ZNF385A: variants seen among roughly 807,000 people sequenced by gnomAD.
The protein encoded by ZNF385A is zinc finger protein 385A.
In ZNF385A, 14 loss-of-function variants were observed where a neutral mutation model predicts 32.1. That is an observed-to-expected ratio of 0.44 (90% CI 0.29 to 0.68). ZNF385A has a LOEUF of 0.68. ZNF385A is among the 30% of genes least tolerant of loss of function. The pLI is 0.14. For missense variants in ZNF385A, 406 were observed against 478.4 expected (o/e 0.85, Z 1.41); for synonymous variants, 197 against 202.7 (o/e 0.97, Z 0.24).
upstream of ZNF385A, chr12:54,384,987 A>C: frequency 1.2e-6 from 1 of 856,570 alleles, no homozygotes; most frequent in African/African-American, 1.8e-5. Context: ...GAAGAGAGTC[A>C]AGTGGGTGAT....
At chr12:54,379,319 G>C in intron 1 of ZNF385A, 2 of 427,972 alleles carry the variant, frequency 4.7e-6, no homozygotes, top group Non-Finnish European at 6.2e-6. Flanking sequence ...AGGAATGAAA[G>C]GGGGCTAGGG....
chr12:54,370,712 T>G lies in ZNF385A; in HGVS notation c.784A>C (p.Ser262Arg), dbSNP rs1441753025. Residue 262 changes from serine (S) to arginine (R), a missense_variant, in exon 6 of 7, where the codon AGC (serine) becomes CGC (arginine). Ser to Arg is a moderately radical substitution (Grantham distance 110). Transcript: ENST00000394313. This position sits in a 1 kb window ranked among gnomAD's most constrained non-coding sequence, Gnocchi z 5.5. ...SEVQLKQHIS[S>R]RRHRDGVAGK... The stretch of plus-strand genomic sequence containing the variant: ...GCCACGCCGTCTCGGTGCCGCCGGC[T>G]GGAGATGTGCTGCGGGGGCCAGTGG... 1.9e-6 allele frequency: 3 copies of G among 1,586,870 alleles called. No homozygotes were observed. The highest frequency in any genetic ancestry group is 2.6e-6 in the Non-Finnish European group (3 of 1,169,822).
Position 54,384,545 on chromosome 12 carries a change from C to T in ZNF385A, c.-31G>A. 1 of 1,488,770 alleles carries T rather than the reference C, an allele frequency of 6.7e-7. No homozygotes were observed. Among genetic ancestry groups the T allele is most frequent in the Non-Finnish European group, 8.9e-7 (1 of 1,120,382 alleles). 92.2% of individuals were successfully genotyped at this position (1,488,770 alleles called of 1,614,324 possible). A position where few individuals can be genotyped will look rare whatever the true frequency, so the allele number is the denominator to read the frequency against. On this transcript the variant is annotated 5_prime_UTR_variant, in exon 1 of 7. Coordinates refer to ENST00000394313, the MANE Select transcript of ZNF385A (RefSeq NM_015481.3). Reference sequence around the variant, plus strand: ...GGGGCTGCCGTAGCAGAGGCAGGGGCCCTGCCCGGCTCAGGCTGCCTGAAG... The same window carrying T: ...GGGGCTGCCGTAGCAGAGGCAGGGGTCCTGCCCGGCTCAGGCTGCCTGAAG...
At chr12:54,379,172 C>G in intron 1 of ZNF385A, 2 of 980,816 alleles carry the variant, frequency 2.0e-6, no homozygotes, top group Non-Finnish European at 2.4e-6. Flanking sequence ...CGCTCGTTGC[C>G]CGGGCGGCTC....
chr12:54,384,629 TGCCAGTCCCACTCCCTA>T lies in ZNF385A; in HGVS notation c.-132_-116del. On this transcript the variant is annotated 5_prime_UTR_variant, in exon 1 of 7. An upstream open reading frame in the 5' UTR loses its in-frame stop. Coordinates refer to ENST00000394313, the MANE Select transcript of ZNF385A (RefSeq NM_015481.3). ...AAAGCTTGGGAACCCCACCCAAGCC[TGCCAGTCCCACTCCCTA>T]GCCAGGGCCCCCACACTCAGAAGTG... 1 of 1,423,556 alleles carries T rather than the reference TGCCAGTCCCACTCCCTA, an allele frequency of 7.0e-7. No individual in the cohort carries two copies. Among genetic ancestry groups the T allele is most frequent in the Non-Finnish European group, 9.2e-7 (1 of 1,092,150 alleles). 88.2% of individuals were successfully genotyped at this position (1,423,556 alleles called of 1,614,324 possible).
At chr12:54,376,078 GGAT>G in intron 1 of ZNF385A, 124 bp from the exon 2 acceptor site, 1 of 719,558 alleles carries the variant, frequency 1.4e-6, no homozygotes, top group Non-Finnish European at 2.5e-6. Flanking sequence ...TATGCCTGAG[GGAT>G]CTGAGCCTCA....
At chr12:54,373,584 G>A (rs947186257) in intron 3 of ZNF385A, among the ~76,000 whole-genome samples, 3 of 151,946 alleles carry the variant, frequency 2.0e-5, no homozygotes, top group South Asian at 2.1e-4. Flanking sequence ...TGTCTTCCCC[G>A]AGGGGAGCCC....
At chr12:54,385,532 C>G (rs1163373306), upstream of ZNF385A, 1 of 636,448 alleles carries the variant, frequency 1.6e-6, no homozygotes, top group Non-Finnish European at 2.0e-6. Context: ...CTCCAGTAAC[C>G]CCCTGACAGC....
intron 1 of ZNF385A, chr12:54,379,197 C>T: frequency 2.0e-6 from 2 of 978,798 alleles, no homozygotes; most frequent in Non-Finnish European, 2.4e-6. Flanking sequence ...CTGTGCGGCC[C>T]GGCCGGCGGG....
chr12:54,379,678 T>C (rs1955043542), intron 1 of ZNF385A, among the ~76,000 whole-genome samples: 1 of 152,142 alleles, frequency 6.6e-6, no homozygotes, highest in South Asian at 2.1e-4. Flanking sequence ...TGTCAGGCAC[T>C]GCTCTCTCAG....
At position 54,384,463 on chromosome 12, in the gene ZNF385A, C is replaced by G. The variant is rs1221600712; in HGVS notation, c.52G>C (p.Ala18Pro). The G allele has an allele frequency of 4.4e-6, 7 of 1,591,262 alleles. No homozygotes were observed. Among genetic ancestry groups the G allele is most frequent in the Non-Finnish European group, 5.1e-6 (6 of 1,169,520 alleles). Residue 18 changes from alanine to proline, a missense_variant, in exon 1 of 7, where the codon GCC becomes CCC. Transcript: ENST00000394313. ...KQILPFPLEP[A>P]PTLGLFSNYS... is the part of the protein sequence containing the mutation. ...TTGCTGAAGAGGCCAAGGGTAGGGGCTGGCTCGAGTGGGAAGGGCAGGATC... is the reference window on the plus strand; with the variant it reads ...TTGCTGAAGAGGCCAAGGGTAGGGGGTGGCTCGAGTGGGAAGGGCAGGATC...
Position 54,370,564 on chromosome 12 carries a change from C to T in ZNF385A, c.870+62G>A. On this transcript the variant is annotated intron_variant, in intron 6 of 6. Coordinates refer to ENST00000394313, the MANE Select transcript of ZNF385A (RefSeq NM_015481.3). This position sits in a 1 kb window ranked among gnomAD's most constrained non-coding sequence, Gnocchi z 5.5. ...CCCACCTCTCCCTGGGCAAAGCCCG[C>T]GTCCCTCTCTCCTCCCCGCCCGCGC... 10 of 1,552,896 alleles carry T rather than the reference C, an allele frequency of 6.4e-6. No homozygotes were observed. The South Asian group carries it at 1.2e-4, about 18-fold the overall frequency.
chr12:54,388,747 G>A (rs556299080), upstream of ZNF385A, among the ~76,000 whole-genome samples: 1 of 152,224 alleles, frequency 6.6e-6, no homozygotes, highest in Admixed American at 6.5e-5. Flanking sequence ...TTCCCTTCAG[G>A]CCTTTTGGCC....
Position 54,370,119 on chromosome 12 carries a change from G to T in ZNF385A, c.*137C>A. 1 of 710,052 alleles carries T rather than the reference G, an allele frequency of 1.4e-6. No individual in the cohort carries two copies. Among genetic ancestry groups the T allele is most frequent in the Non-Finnish European group, 2.1e-6 (1 of 478,718 alleles). The allele number at this position is 710,052 out of a possible 1,614,324, so 44.0% of individuals were successfully genotyped here. ...CCCCCGCTACCCCTCCCCTTTCCTG[G>T]AACCCCGTATCTCGGGGTGGGGGGG... On this transcript the variant is annotated 3_prime_UTR_variant, in exon 7 of 7. Coordinates refer to ENST00000394313, the MANE Select transcript of ZNF385A (RefSeq NM_015481.3). The surrounding 1 kb of genome is among the most constrained non-coding windows in gnomAD (Gnocchi z 5.5).
chr12:54,374,932 C>G lies in ZNF385A; in HGVS notation c.199-797G>C, dbSNP rs1051109286. Among the ~76,000 whole-genome samples, 118 of 152,084 alleles carry G rather than the reference C, an allele frequency of 7.8e-4. 1 individual carries two copies. Among genetic ancestry groups the G allele is most frequent in the Admixed American group, 7.5e-3 (115 of 15,278 alleles). On this transcript the variant is annotated intron_variant, in intron 2 of 6. Transcript: ENST00000394313. ...CCACCCTGCTCCACTCCCATGTATA[C>G]CCCTGCTAAGAATGTACCATCCTGG...
intron 1 of ZNF385A, chr12:54,379,118 C>CT: frequency 1.0e-6 from 1 of 981,196 alleles, no homozygotes; most frequent in Non-Finnish European, 1.2e-6. Flanking sequence ...CGGACCCGGG[C>CT]TGGGGGGCCG....
rs137955935 is a variant in ZNF385A, at chr12:54,374,079, A to G, written c.255T>C (p.Ile85=). 174 of 1,600,462 alleles carry G rather than the reference A, an allele frequency of 1.1e-4. 2 individuals carry two copies. In the African/African-American group the frequency reaches 2.0e-3, roughly 18 times the overall value. The part of the protein sequence containing the change: ...GNRHARRVKG[I]EAAKTRGREP... The stretch of plus-strand genomic sequence containing the variant: ...CCCTGCCTCTGGTCTTGGCAGCCTC[A>G]ATGCCTTTGACTCGTCGGGCGTGGC... The change falls in exon 3 of 7, where the codon ATT becomes ATC. Residue 85 remains isoleucine, a synonymous_variant. Coordinates refer to ENST00000394313, the MANE Select transcript of ZNF385A (RefSeq NM_015481.3).
chr12:54,378,952 G>A (rs897474842), intron 1 of ZNF385A: 1 of 655,134 alleles, frequency 1.5e-6, no homozygotes, highest in Non-Finnish European at 1.9e-6. Flanking sequence ...CGGACAGCCC[G>A]AGGACTAGGC....
chr12:54,384,277 G>T, intron 1 of ZNF385A, 151 bp downstream of exon 1: 1 of 946,202 alleles, frequency 1.1e-6, no homozygotes, highest in Non-Finnish European at 1.5e-6. Flanking sequence ...GTACCAGATG[G>T]CCCACAATAC....
Sources: allele counts gnomAD v4.1 joint callset (sites outside exome capture counted in the v4.1 genomes callset), GRCh38; gene constraint gnomAD v4.1.1; non-coding constraint Gnocchi (gnomAD v3.1); transcripts MANE v1.5; gene names NCBI Gene and HGNC (gene_info 2026-07-23, HGNC 2026-07-21).